The following HDAC8 variants were observed in gnomAD, a reference collection of about 807,000 sequenced individuals.
HDAC8 encodes the protein histone deacetylase 8.
In HDAC8, 1 loss-of-function variant was observed where a neutral mutation model predicts 32.2. The ratio of observed to expected loss-of-function variants is 0.03; its 90% CI spans 0.01 to 0.15. The LOEUF (loss-of-function observed/expected upper bound fraction) is 0.15. Ranked by LOEUF, HDAC8 falls within the 10% of genes least tolerant of loss-of-function variation. The probability of loss-of-function intolerance (pLI) is 1.00; values close to 1 mark genes in which losing one functional copy is unlikely to be tolerated. For synonymous variants in HDAC8, 108 were observed against 113.9 expected (o/e 0.95, Z 0.33); for missense variants, 117 against 300.0 (o/e 0.39, Z 4.51).
intron 9 of HDAC8, among the ~76,000 whole-genome samples, chrX:72,415,784 T>A (rs1384562301): frequency 8.9e-6 from 1 of 112,264 alleles, no homozygotes; most frequent in Non-Finnish European, 1.9e-5. Flanking sequence ...GATTTTTGTA[T>A]GTTGATATTG....
chrX:72,404,789 G>T (rs1377966037), intron 9 of HDAC8, among the ~76,000 whole-genome samples: 19 of 110,018 alleles, frequency 1.7e-4, no homozygotes, highest in African/African-American at 5.9e-4. Flanking sequence ...TCTAGTTTAA[G>T]ATTTCGTCTT....
chrX:72,363,548 A>C (rs1555953307), intron 9 of HDAC8, among the ~76,000 whole-genome samples: 1 of 108,859 alleles, frequency 9.2e-6, no homozygotes, highest in Non-Finnish European at 1.9e-5. Context: ...ACTTCAACTC[A>C]CTGCAACCCA....
rs782152341 is a variant in HDAC8, at chrX:72,512,802, G to A, written c.438-17534C>T. On this transcript the variant is annotated intron_variant, in intron 4 of 10. Coordinates refer to ENST00000373573, the MANE Select transcript of HDAC8 (RefSeq NM_018486.3). ...CCCTGACAATATCACTACCCTGCTT[G>A]AAAGCCTCTCAGTAGGTCCCCATGC... Among the ~76,000 whole-genome samples, 6 of 110,891 alleles carry A rather than the reference G, an allele frequency of 5.4e-5. No individual in the cohort carries two copies. In the South Asian group the frequency reaches 2.3e-3, roughly 43 times the overall value.
At chrX:72,557,762 CA>C (rs2051333368) in intron 4 of HDAC8, among the ~76,000 whole-genome samples, 1 of 110,867 alleles carries the variant, frequency 9.0e-6, no homozygotes, top group African/African-American at 3.3e-5. Context: ...CTGAAACAAA[CA>C]AACAAAAAAA....
At chrX:72,537,040 T>C (rs782427134) in intron 4 of HDAC8, among the ~76,000 whole-genome samples, 2 of 111,847 alleles carry the variant, frequency 1.8e-5, no homozygotes, top group African/African-American at 6.5e-5. Context: ...GAATATGCTT[T>C]TGAAGAGCTG....
intron 9 of HDAC8, among the ~76,000 whole-genome samples, chrX:72,448,323 A>T (rs938884291): frequency 8.9e-6 from 1 of 112,092 alleles, no homozygotes; most frequent in East Asian, 2.8e-4. Flanking sequence ...TGACAAAAAC[A>T]AGCAATGGGG....
intron 10 of HDAC8, among the ~76,000 whole-genome samples, chrX:72,342,092 A>G (rs2043902164): frequency 1.8e-5 from 2 of 112,541 alleles, no homozygotes; most frequent in South Asian, 7.3e-4. Context: ...TGCATGTCAC[A>G]ATAGACTTGA....
intron 9 of HDAC8, among the ~76,000 whole-genome samples, chrX:72,412,064 G>A (rs1569278414): frequency 8.9e-6 from 1 of 112,291 alleles, no homozygotes; most frequent in Non-Finnish European, 1.9e-5. Context: ...GTGTTCAGAG[G>A]AAGAGGTTTA....
intron 5 of HDAC8, among the ~76,000 whole-genome samples, chrX:72,491,325 C>T (rs1241579991): frequency 6.3e-5 from 7 of 111,249 alleles, no homozygotes; most frequent in Non-Finnish European, 1.3e-4. Context: ...TAGGGAAAGG[C>T]GAGAGCCTAG....
Position 72,332,519 on chromosome X carries a change from A to G in HDAC8, c.1112-2443T>C, listed in dbSNP as rs782020302. ...TGTGATCTCAATTTGCATTTTCCCA[A>G]TGGCTAATGATGTTGAACATCTTTT... On this transcript the variant is annotated intron_variant, in intron 10 of 10. Coordinates refer to ENST00000373573, the MANE Select transcript of HDAC8 (RefSeq NM_018486.3). 1.0e-3 allele frequency among the ~76,000 whole-genome samples: 113 copies of G among 110,813 alleles called. No homozygotes were observed. The Middle Eastern group carries it at 0.019, about 18-fold the overall frequency.
At position 72,402,700 on chromosome X, in the gene HDAC8, G is replaced by T. The variant is rs931799080; in HGVS notation, c.1006-50862C>A. 2.7e-5 allele frequency among the ~76,000 whole-genome samples: 3 copies of T among 111,379 alleles called. No homozygotes were observed. The South Asian group carries it at 1.1e-3, about 42-fold the overall frequency. On this transcript the variant is annotated intron_variant, in intron 9 of 10. Coordinates refer to ENST00000373573, the MANE Select transcript of HDAC8 (RefSeq NM_018486.3). ...AATTTCTACTTTTATTCAATTCAGAGAACATATTTTATATGATTTTATTCC... is the reference window on the plus strand; with the variant it reads ...AATTTCTACTTTTATTCAATTCAGATAACATATTTTATATGATTTTATTCC...
chrX:72,568,678 A>G, intron 3 of HDAC8, 76 bp downstream of exon 3: 2 of 1,113,430 alleles, frequency 1.8e-6, no homozygotes, highest in Middle Eastern at 5.0e-4. Flanking sequence ...CTTAACGAAA[A>G]ATATTAAAAA....
chrX:72,544,875 C>A (rs782560861), intron 4 of HDAC8, among the ~76,000 whole-genome samples: 2 of 111,837 alleles, frequency 1.8e-5, no homozygotes, highest in South Asian at 3.8e-4. Context: ...GAGGAGGAAT[C>A]AAGATGCTGT....
intron 4 of HDAC8, among the ~76,000 whole-genome samples, chrX:72,528,948 T>C (rs1219685363): frequency 3.6e-5 from 4 of 112,510 alleles, no homozygotes; most frequent in African/African-American, 1.3e-4. Context: ...AATTCTACTA[T>C]GTGACAAGGT....
chrX:72,472,278 G>A (rs917801645), intron 7 of HDAC8, among the ~76,000 whole-genome samples: 1 of 108,929 alleles, frequency 9.2e-6, no homozygotes, highest in East Asian at 2.9e-4. Context: ...CGTTTTAGCC[G>A]GGATGGTCTC....
intron 7 of HDAC8, among the ~76,000 whole-genome samples, chrX:72,478,570 T>C (rs782365229): frequency 9.0e-6 from 1 of 111,627 alleles, no homozygotes; most frequent in Non-Finnish European, 1.9e-5. Flanking sequence ...TTTTAGCCCC[T>C]GGCACACACA....
chrX:72,476,183 A>G (rs781880062), intron 7 of HDAC8, among the ~76,000 whole-genome samples: 13 of 111,109 alleles, frequency 1.2e-4, no homozygotes, highest in Non-Finnish European at 2.3e-4. Flanking sequence ...GCCTGAAGTG[A>G]ATCGTCAGAG....
chrX:72,472,268 C>T (rs1483784019), intron 7 of HDAC8, among the ~76,000 whole-genome samples: 3 of 108,916 alleles, frequency 2.8e-5, no homozygotes, highest in East Asian at 5.7e-4. Context: ...GGGGTTTCAC[C>T]GTTTTAGCCG....
At chrX:72,419,876 T>C (rs1555972974) in intron 9 of HDAC8, among the ~76,000 whole-genome samples, 1 of 111,836 alleles carries the variant, frequency 8.9e-6, no homozygotes, top group African/African-American at 3.2e-5. Context: ...GTGTTTTTTT[T>C]CTTTGTTATA....
Sources: allele counts gnomAD v4.1 joint callset (sites outside exome capture counted in the v4.1 genomes callset), GRCh38; gene constraint gnomAD v4.1.1; transcripts MANE v1.5; gene names NCBI Gene and HGNC (gene_info 2026-07-23, HGNC 2026-07-21).